The following TSHZ2 variants were observed in gnomAD, a reference collection of about 807,000 sequenced individuals.
TSHZ2 encodes teashirt homolog 2.
In TSHZ2, 21 loss-of-function variants were observed where a neutral mutation model predicts 74.4. That is an observed-to-expected ratio of 0.28 (90% CI 0.20 to 0.41). The LOEUF (loss-of-function observed/expected upper bound fraction) is 0.41, where lower values mean the gene tolerates loss of function less well. Ranked by LOEUF, TSHZ2 falls within the 10% of genes least tolerant of loss-of-function variation. TSHZ2 has a pLI of 1.00. For synonymous variants in TSHZ2, 540 were observed against 515.3 expected (o/e 1.05, Z -0.65); for missense variants, 1,244 against 1,293.5 (o/e 0.96, Z 0.59).
At chr20:53,273,908 C>T (rs1176121394) in intron 2 of TSHZ2, among the ~76,000 whole-genome samples, 2 of 152,104 alleles carry the variant, frequency 1.3e-5, no homozygotes, top group African/African-American at 4.8e-5. Context: ...CTGCTCTTCC[C>T]GAATCTCCCC....
intron 2 of TSHZ2, among the ~76,000 whole-genome samples, chr20:53,401,428 A>C (rs1472829169): frequency 3.3e-5 from 5 of 152,110 alleles, no homozygotes; most frequent in Non-Finnish European, 7.4e-5. Context: ...TTGGGGGAAC[A>C]GGTGGTGTTT....
chr20:53,022,229 AGACTC>A, intron 1 of TSHZ2, among the ~76,000 whole-genome samples: 1 of 152,248 alleles, frequency 6.6e-6, no homozygotes, highest in Admixed American at 6.5e-5. Context: ...TCCTAGCACT[AGACTC>A]TAAGAGAAAT....
At chr20:53,057,779 G>T (rs906928052) in intron 1 of TSHZ2, among the ~76,000 whole-genome samples, 1 of 152,188 alleles carries the variant, frequency 6.6e-6, no homozygotes, top group Non-Finnish European at 1.5e-5. Context: ...CCAGAGTCCA[G>T]GGAGTGAGGT....
intron 2 of TSHZ2, among the ~76,000 whole-genome samples, chr20:53,274,908 G>A (rs532527611): frequency 5.9e-5 from 9 of 152,206 alleles, no homozygotes; most frequent in Admixed American, 1.3e-4. Flanking sequence ...CAGTGATGCC[G>A]TAAATACAGC....
chr20:53,458,772 T>C (rs1427578700), intron 2 of TSHZ2, among the ~76,000 whole-genome samples: 1 of 152,144 alleles, frequency 6.6e-6, no homozygotes, highest in African/African-American at 2.4e-5. Flanking sequence ...GTCTTTGTTC[T>C]CGTTGGTTTC....
intron 1 of TSHZ2, among the ~76,000 whole-genome samples, chr20:53,023,324 T>C (rs138757485): frequency 6.6e-4 from 100 of 152,312 alleles, no homozygotes; most frequent in African/African-American, 2.4e-3. Flanking sequence ...TTTAACTCAA[T>C]GGGAAATGAC....
intron 1 of TSHZ2, among the ~76,000 whole-genome samples, chr20:53,080,284 G>A (rs1985491312): frequency 6.6e-6 from 1 of 152,116 alleles, no homozygotes; most frequent in Non-Finnish European, 1.5e-5. Context: ...CTAAATTTCT[G>A]CTTCTTACAG....
intron 1 of TSHZ2, among the ~76,000 whole-genome samples, chr20:53,101,941 G>A (rs1362130417): frequency 3.3e-5 from 5 of 149,294 alleles, no homozygotes; most frequent in African/African-American, 1.2e-4. Flanking sequence ...TTTGGGGAGC[G>A]TCTTTTGAAA....
At chr20:53,304,388 A>G (rs1420334705) in intron 2 of TSHZ2, among the ~76,000 whole-genome samples, 1 of 151,964 alleles carries the variant, frequency 6.6e-6, no homozygotes, top group Non-Finnish European at 1.5e-5. Context: ...TGCTTGTAGC[A>G]TATCGTACTG....
At chr20:53,045,256 G>C (rs1002533469) in intron 1 of TSHZ2, among the ~76,000 whole-genome samples, 17 of 152,156 alleles carry the variant, frequency 1.1e-4, no homozygotes, top group Non-Finnish European at 2.9e-5. Context: ...TCACAGTGAC[G>C]TCCTCACTTC....
At chr20:53,482,702 A>C (rs1038853580) in intron 2 of TSHZ2, among the ~76,000 whole-genome samples, 7 of 151,630 alleles carry the variant, frequency 4.6e-5, no homozygotes, top group Admixed American at 6.6e-5. Context: ...CCAGGAGTTC[A>C]AGACCAGCCT....
At chr20:53,324,535 G>A (rs576366472) in intron 2 of TSHZ2, among the ~76,000 whole-genome samples, 127 of 152,108 alleles carry the variant, frequency 8.3e-4, no homozygotes, top group Non-Finnish European at 1.5e-3. Flanking sequence ...GCATCACTAT[G>A]TCTAACTCTT....
chr20:53,388,685 C>A (rs1432261069), intron 2 of TSHZ2, among the ~76,000 whole-genome samples: 1 of 151,022 alleles, frequency 6.6e-6, no homozygotes, highest in African/African-American at 2.4e-5. Flanking sequence ...TCAAGCAATT[C>A]TCGTACCTCA....
At chr20:53,446,936 C>T (rs1362035250) in intron 2 of TSHZ2, among the ~76,000 whole-genome samples, 1 of 152,202 alleles carries the variant, frequency 6.6e-6, no homozygotes, top group East Asian at 1.9e-4. Context: ...GAGCCTTCCT[C>T]CCCTCTAGGG....
intron 1 of TSHZ2, among the ~76,000 whole-genome samples, chr20:53,014,180 C>T (rs2256168): frequency 0.39 from 59,083 of 150,780 alleles, 12,134 homozygotes; most frequent in Non-Finnish European, 0.47. Flanking sequence ...TAGAAGAAGC[C>T]ATCTCTTCAT....
chr20:53,471,803 CTTT>C (rs58027394), intron 2 of TSHZ2, among the ~76,000 whole-genome samples: 8 of 87,274 alleles, frequency 9.2e-5, no homozygotes, highest in Admixed American at 1.3e-4. Flanking sequence ...CTTTTCTTTT[CTTT>C]TTTTTTTTTT....
chr20:53,430,723 A>G (rs186355984), intron 2 of TSHZ2, among the ~76,000 whole-genome samples: 100 of 152,216 alleles, frequency 6.6e-4, no homozygotes, highest in Non-Finnish European at 1.4e-3. Flanking sequence ...GAAATTTAGG[A>G]AACACTGATT....
intron 2 of TSHZ2, among the ~76,000 whole-genome samples, chr20:53,451,733 C>A (rs1341622526): frequency 6.6e-6 from 1 of 152,194 alleles, no homozygotes; most frequent in African/African-American, 2.4e-5. Context: ...TGCTTCCCTC[C>A]ATTATAATAT....
At chr20:53,290,468 G>C (rs1412398876) in intron 2 of TSHZ2, among the ~76,000 whole-genome samples, 1 of 150,944 alleles carries the variant, frequency 6.6e-6, no homozygotes, top group Non-Finnish European at 1.5e-5. Context: ...CAAACTACTA[G>C]AAAAAAAAGG....
Sources: allele counts gnomAD v4.1 joint callset (sites outside exome capture counted in the v4.1 genomes callset), GRCh38; gene constraint gnomAD v4.1.1; transcripts MANE v1.5; gene names NCBI Gene and HGNC (gene_info 2026-07-23, HGNC 2026-07-21).